ADCY8: variants seen among roughly 807,000 people sequenced by gnomAD.
The protein encoded by ADCY8 is adenylate cyclase type 8.
A neutral mutation model predicts 119.7 loss-of-function variants in ADCY8; 51 were observed. The observed-to-expected ratio is 0.43, with a 90% CI of 0.34 to 0.54. ADCY8 has a LOEUF of 0.54. ADCY8 is among the 20% of genes least tolerant of loss of function. The pLI is 0.03. For synonymous variants in ADCY8, 665 were observed against 651.0 expected, an observed-to-expected ratio of 1.02 and a Z score of -0.33; for missense variants, 1,383 against 1,598.8, an observed-to-expected ratio of 0.87 and a Z score of 2.30.
chr8:130,797,190 C>A (rs1009805829), intron 15 of ADCY8, among the ~76,000 whole-genome samples: 1 of 152,190 alleles, frequency 6.6e-6, no homozygotes, highest in Non-Finnish European at 1.5e-5. Context: ...TGTGGCCCAA[C>A]ACAAATTTGT....
chr8:130,945,002 T>C (rs1821066024), intron 3 of ADCY8, among the ~76,000 whole-genome samples: 1 of 152,154 alleles, frequency 6.6e-6, no homozygotes, highest in Non-Finnish European at 1.5e-5. Context: ...AGTCTCCCAG[T>C]AGAGAAAAGT....
rs144028652 is a variant in ADCY8 at position 130,955,118 on chromosome 8, G to T, written c.1111-3120C>A. On this transcript the variant is annotated intron_variant, in intron 2 of 17. Transcript: ENST00000286355. ...TAAGACAGCCAAGATTCAAGAGGGA[G>T]ACTTTATAGGTAGAGACTGACAGGC... 7.2e-3 allele frequency among the ~76,000 whole-genome samples: 1,091 copies of T among 152,262 alleles called. 18 individuals carry two copies. Among genetic ancestry groups the T allele is most frequent in the African/African-American group, 0.024 (1,011 of 41,536 alleles).
intron 1 of ADCY8, among the ~76,000 whole-genome samples, chr8:131,027,093 TCATTGAGA>T (rs1823845777): frequency 6.6e-6 from 1 of 152,220 alleles, no homozygotes; most frequent in Admixed American, 6.5e-5. Flanking sequence ...CAGTTCTGTC[TCATTGAGA>T]GTCATGCTTG....
chr8:130,994,150 G>C (rs557154791), intron 1 of ADCY8, among the ~76,000 whole-genome samples: 2 of 152,348 alleles, frequency 1.3e-5, no homozygotes, highest in South Asian at 4.1e-4. Flanking sequence ...CAATGATATT[G>C]GCTATTGTTT....
chr8:130,810,961 T>C (rs1472118616), intron 14 of ADCY8, among the ~76,000 whole-genome samples: 2 of 152,182 alleles, frequency 1.3e-5, no homozygotes, highest in Non-Finnish European at 2.9e-5. Context: ...TGTTTTTTTT[T>C]CTCATTTCTC....
chr8:130,815,888 A>G (rs921686957), intron 13 of ADCY8, among the ~76,000 whole-genome samples: 6 of 152,230 alleles, frequency 3.9e-5, no homozygotes, highest in Non-Finnish European at 7.3e-5. Context: ...TAGGCACTCA[A>G]TACACATTGG....
intron 8 of ADCY8, among the ~76,000 whole-genome samples, chr8:130,873,734 C>A (rs1818450346): frequency 6.6e-6 from 1 of 152,158 alleles, no homozygotes; most frequent in Non-Finnish European, 1.5e-5. Flanking sequence ...TCACTAATAT[C>A]TCTCAGGTAT....
chr8:130,818,666 A>G (rs1172577049), intron 13 of ADCY8, among the ~76,000 whole-genome samples: 1 of 152,224 alleles, frequency 6.6e-6, no homozygotes, highest in Non-Finnish European at 1.5e-5. Context: ...CTGAGTCACA[A>G]GGGAAAACCA....
At chr8:130,974,575 A>G (rs940566560) in intron 2 of ADCY8, among the ~76,000 whole-genome samples, 5 of 152,212 alleles carry the variant, frequency 3.3e-5, no homozygotes, top group African/African-American at 1.2e-4. Flanking sequence ...CATTTGTTTT[A>G]TATATGCCTG....
At chr8:130,890,384 A>T (rs1210412969) in intron 7 of ADCY8, among the ~76,000 whole-genome samples, 1 of 152,124 alleles carries the variant, frequency 6.6e-6, no homozygotes, top group African/African-American at 2.4e-5. Context: ...AAATAAGAAG[A>T]TTGTCCCTAG....
intron 2 of ADCY8, among the ~76,000 whole-genome samples, chr8:130,954,969 G>A (rs918130309): frequency 2.6e-5 from 4 of 152,090 alleles, no homozygotes; most frequent in African/African-American, 4.8e-5. Flanking sequence ...TTCTAAGGAG[G>A]GTTCCTGAAA....
At chr8:130,854,837 C>CCCTCCCTTCCTT (rs1357590187) in intron 9 of ADCY8, among the ~76,000 whole-genome samples, 1 of 48,760 alleles carries the variant, frequency 2.1e-5, no homozygotes, top group African/African-American at 1.0e-4. Context: ...CTCCCTCCCT[C>CCCTCCCTTCCTT]CCTTCCTTCC....
chr8:130,780,515 G>A lies in ADCY8; in HGVS notation c.3631C>T (p.Leu1211=). Residue 1211 remains leucine (L), a synonymous_variant, in exon 18 of 18, where the codon CTA becomes TTA. Transcript: ENST00000286355. The part of the protein sequence containing the change: ...QSLNRQRQKQ[L]LNENNNTGII... The stretch of plus-strand genomic sequence containing the variant: ...CCTGTGTTGTTGTTCTCATTGAGTA[G>A]CTGCTTCTGCCTTTGCCTATTGAGG... 1 of 1,614,130 alleles carries A rather than the reference G, an allele frequency of 6.2e-7. No individual in the cohort carries two copies. Among genetic ancestry groups the A allele is most frequent in the Non-Finnish European group, 8.5e-7 (1 of 1,180,020 alleles).
chr8:130,785,904 C>T (rs1283897201), intron 15 of ADCY8, among the ~76,000 whole-genome samples: 2 of 152,218 alleles, frequency 1.3e-5, no homozygotes, highest in African/African-American at 2.4e-5. Flanking sequence ...GCCACACTGA[C>T]CTGAGAACAA....
intron 7 of ADCY8, among the ~76,000 whole-genome samples, chr8:130,899,936 A>T (rs1052597133): frequency 6.6e-6 from 1 of 152,122 alleles, no homozygotes; most frequent in African/African-American, 2.4e-5. Context: ...TTCACTTTTG[A>T]TCTACTTCAA....
chr8:130,929,443 G>C (rs976480643), intron 5 of ADCY8, among the ~76,000 whole-genome samples: 1 of 152,114 alleles, frequency 6.6e-6, no homozygotes, highest in African/African-American at 2.4e-5. Flanking sequence ...TGTGAATTTT[G>C]TGAAGTTCCT....
chr8:130,888,432 A>T (rs1819068829), intron 7 of ADCY8, among the ~76,000 whole-genome samples: 1 of 152,106 alleles, frequency 6.6e-6, no homozygotes, highest in Non-Finnish European at 1.5e-5. Context: ...TTGGGAAGTC[A>T]GTTGGAGCAG....
At chr8:131,001,395 C>T (rs1475580737) in intron 1 of ADCY8, among the ~76,000 whole-genome samples, 1 of 151,960 alleles carries the variant, frequency 6.6e-6, no homozygotes. Flanking sequence ...TTGCATTCCT[C>T]AGCTCCACCA....
In ADCY8 at chr8:130,992,412, T is replaced by C. The variant is rs1822617640; in HGVS notation, c.961-1870A>G. ...ATATATATATATATATATATATATA[T>C]ATATATATATATATATATTTGAGAT... On this transcript the variant is annotated intron_variant, in intron 1 of 17. Transcript: ENST00000286355. Among the ~76,000 whole-genome samples, 2 of 121,194 alleles carry C rather than the reference T, an allele frequency of 1.7e-5. 1 individual carries two copies. Among genetic ancestry groups the C allele is most frequent in the African/African-American group, 7.4e-5 (2 of 27,194 alleles). 79.5% of individuals were successfully genotyped at this position (121,194 alleles called of 152,430 possible).
Sources: allele counts gnomAD v4.1 joint callset (sites outside exome capture counted in the v4.1 genomes callset), GRCh38; gene constraint gnomAD v4.1.1; transcripts MANE v1.5; gene names NCBI Gene and HGNC (gene_info 2026-07-23, HGNC 2026-07-21).